The following FGF14 variants were observed in gnomAD, a reference collection of about 807,000 sequenced individuals.
FGF14 encodes fibroblast growth factor 14, also known as fibroblast growth factor homologous factor 4.
Under a neutral mutation model 25.5 loss-of-function variants are expected in FGF14, and 5 were observed. The ratio of observed to expected loss-of-function variants is 0.20; its 90% confidence interval spans 0.10 to 0.41. The LOEUF is 0.41. FGF14 is among the 10% of genes least tolerant of loss of function. The probability of loss-of-function intolerance (pLI) is 1.00; values close to 1 mark genes in which losing one functional copy is unlikely to be tolerated. For synonymous variants in FGF14, 138 were observed against 118.3 expected, an observed-to-expected ratio of 1.17 and a Z score of -1.08; for missense variants, 222 against 320.1, an observed-to-expected ratio of 0.69 and a Z score of 2.34.
At chr13:102,157,602 G>C (rs1054712602) in intron 1 of FGF14, among the ~76,000 whole-genome samples, 1 of 152,084 alleles carries the variant, frequency 6.6e-6, no homozygotes, top group South Asian at 2.1e-4. Context: ...GCATGGGCAA[G>C]GACTTCATGT....
intron 1 of FGF14, among the ~76,000 whole-genome samples, chr13:102,049,126 G>GA (rs148144840): frequency 6.6e-5 from 10 of 151,532 alleles, no homozygotes; most frequent in African/African-American, 1.9e-4. Flanking sequence ...AAAATTTTAG[G>GA]AAAAAAAATA....
intron 1 of FGF14, among the ~76,000 whole-genome samples, chr13:102,161,567 AAGAAAG>A (rs1448487513): frequency 0.014 from 29 of 2,074 alleles, 9 homozygotes; most frequent in Admixed American, 0.11. Context: ...ACTTTCTGTG[AAGAAAG>A]AAAGAAGAAG....
rs2034636008 is a variant in FGF14, at chr13:101,714,721, C to CATT, written c.*8107_*8109dup. ...GGAAAAAGCCCTCACAAAAGCCTCA[C>CATT]ATTATTCCTAGGCATAGAAGAATAC... is the stretch of plus-strand genomic sequence containing the variant. On this transcript the variant is annotated 3_prime_UTR_variant, in exon 5 of 5. Coordinates refer to ENST00000376143, the MANE Select transcript of FGF14 (RefSeq NM_004115.4). 1.7e-6 allele frequency: 1 copy of CATT among 597,008 alleles called. No individual in the cohort carries two copies. The allele number at this position is 597,008 out of a possible 1,614,324, so 37.0% of individuals were successfully genotyped here.
intron 1 of FGF14, among the ~76,000 whole-genome samples, chr13:101,941,225 C>A (rs1156530458): frequency 1.3e-5 from 2 of 152,196 alleles, no homozygotes; most frequent in East Asian, 3.9e-4. Flanking sequence ...CAAAATTTAA[C>A]AATCATCATC....
At chr13:101,795,883 G>C (rs992320962) in intron 3 of FGF14, among the ~76,000 whole-genome samples, 2 of 152,090 alleles carry the variant, frequency 1.3e-5, no homozygotes, top group Admixed American at 1.3e-4. Flanking sequence ...ATTCTATTAA[G>C]CATAGAAATA....
At chr13:101,798,098 TG>T (rs1255175524) in intron 3 of FGF14, among the ~76,000 whole-genome samples, 2 of 152,160 alleles carry the variant, frequency 1.3e-5, no homozygotes, top group Non-Finnish European at 2.9e-5. Context: ...TCTGTTTTTT[TG>T]TATTTGATCT....
chr13:102,334,220 T>A (rs1036471011), intron 1 of FGF14, among the ~76,000 whole-genome samples: 3 of 152,196 alleles, frequency 2.0e-5, no homozygotes, highest in Admixed American at 6.5e-5. Flanking sequence ...ACAATTATTT[T>A]TAAGTTTATT....
intron 1 of FGF14, among the ~76,000 whole-genome samples, chr13:101,884,840 T>C (rs189967359): frequency 6.8e-6 from 1 of 147,160 alleles, no homozygotes; most frequent in Non-Finnish European, 1.5e-5. Context: ...TGCCTAATCT[T>C]GACCAAACAC....
chr13:102,161,680 A>AT (rs1566765731), intron 1 of FGF14, among the ~76,000 whole-genome samples: 2,753 of 54,098 alleles, frequency 0.051, 221 homozygotes, highest in African/African-American at 0.12. Flanking sequence ...GAAGAAGAAG[A>AT]AGAAGAAGAA....
chr13:101,910,737 T>C (rs928049610), intron 1 of FGF14, among the ~76,000 whole-genome samples: 5 of 152,214 alleles, frequency 3.3e-5, no homozygotes, highest in Non-Finnish European at 7.4e-5. Flanking sequence ...TGGACCATTA[T>C]AGACCAAAAC....
chr13:102,088,645 A>C (rs1477335781), intron 1 of FGF14, among the ~76,000 whole-genome samples: 1 of 152,186 alleles, frequency 6.6e-6, no homozygotes, highest in Non-Finnish European at 1.5e-5. Flanking sequence ...GAAATATACA[A>C]ATATGTATTA....
chr13:101,912,101 T>C (rs563210570), intron 1 of FGF14, among the ~76,000 whole-genome samples: 2 of 152,112 alleles, frequency 1.3e-5, no homozygotes, highest in Admixed American at 1.3e-4. Flanking sequence ...GGAAGGACAC[T>C]TTTCTTAGAA....
chr13:102,042,887 C>T (rs544454167), intron 1 of FGF14, among the ~76,000 whole-genome samples: 46 of 152,272 alleles, frequency 3.0e-4, no homozygotes, highest in Non-Finnish European at 5.7e-4. Context: ...GAGGGCTTTG[C>T]GTATTGTAGA....
At chr13:101,919,431 C>A (rs1190037760), upstream of FGF14, among the ~76,000 whole-genome samples, 1 of 151,580 alleles carries the variant, frequency 6.6e-6, no homozygotes, top group Non-Finnish European at 1.5e-5. Flanking sequence ...ATGTATGTGC[C>A]AACAATATTA....
At chr13:101,821,150 G>A (rs2042133306) in intron 3 of FGF14, among the ~76,000 whole-genome samples, 1 of 151,942 alleles carries the variant, frequency 6.6e-6, no homozygotes, top group Admixed American at 6.6e-5. Context: ...GGGTTTCACC[G>A]TGTCAGCCAG....
At chr13:102,134,819 C>G (rs530633368) in intron 1 of FGF14, among the ~76,000 whole-genome samples, 20 of 152,164 alleles carry the variant, frequency 1.3e-4, no homozygotes, top group Non-Finnish European at 2.9e-4. Flanking sequence ...TCTGTTGATA[C>G]AAATGTTTCC....
chr13:102,009,967 C>A (rs1036541952), intron 1 of FGF14, among the ~76,000 whole-genome samples: 1 of 152,142 alleles, frequency 6.6e-6, no homozygotes, highest in African/African-American at 2.4e-5. Flanking sequence ...TATAAAATTT[C>A]ATGATCTAAA....
intron 1 of FGF14, among the ~76,000 whole-genome samples, chr13:102,085,985 T>A (rs991816859): frequency 1.3e-5 from 2 of 152,190 alleles, no homozygotes; most frequent in South Asian, 4.1e-4. Context: ...TAGCTAAAAA[T>A]AAATGGCTAT....
rs149683496 is a variant in FGF14 at position 102,088,565 on chromosome 13, G to T, written c.209-213269C>A. 2.1e-3 allele frequency among the ~76,000 whole-genome samples: 326 copies of T among 152,184 alleles called. 2 individuals carry two copies. Among genetic ancestry groups the T allele is most frequent in the African/African-American group, 7.3e-3 (305 of 41,526 alleles). The stretch of plus-strand genomic sequence containing the variant: ...CACATTTTCAAGCTTTATGGTAAAA[G>T]ATACTTCACTGCAATATTTTCTAAC... On this transcript the variant is annotated intron_variant, in intron 1 of 4. Coordinates refer to the FGF14 transcript ENST00000376131.
Sources: allele counts gnomAD v4.1 joint callset (sites outside exome capture counted in the v4.1 genomes callset), GRCh38; gene constraint gnomAD v4.1.1; transcripts MANE v1.5; gene names NCBI Gene and HGNC (gene_info 2026-07-23, HGNC 2026-07-21).